YEATS2: variants seen among roughly 807,000 people sequenced by gnomAD.
YEATS2 encodes the protein YEATS domain containing 2.
YEATS2 carries 77 observed loss-of-function variants against 163.2 expected under a neutral mutation model. That is an observed-to-expected ratio of 0.47 (90% CI 0.39 to 0.57). YEATS2 has a LOEUF of 0.57. Ranked by LOEUF, YEATS2 falls within the 20% of genes least tolerant of loss-of-function variation. The pLI is 0.00. For synonymous variants in YEATS2, 631 were observed against 645.1 expected (o/e 0.98, Z 0.33); for missense variants, 1,549 against 1,729.8 (o/e 0.90, Z 1.85).
intron 15 of YEATS2, among the ~76,000 whole-genome samples, chr3:183,768,951 A>G (rs1722187958): frequency 1.3e-5 from 2 of 152,218 alleles, no homozygotes; most frequent in Non-Finnish European, 2.9e-5. Context: ...CAGCCTGGGC[A>G]ACAAGAGCAA....
At chr3:183,725,041 C>CTTTTTTTTTTTTTTTTTTTTTTTTTTT (rs62826962) in intron 6 of YEATS2, among the ~76,000 whole-genome samples, 4 of 87,528 alleles carry the variant, frequency 4.6e-5, no homozygotes, top group African/African-American at 8.7e-5. Flanking sequence ...CCGTGCCGGC[C>CTTTTTTTTTTTTTTTTTTTTTTTTTTT]TTTTTTTTTT....
At chr3:183,780,738 G>A (rs1723488477) in intron 19 of YEATS2, among the ~76,000 whole-genome samples, 1 of 152,174 alleles carries the variant, frequency 6.6e-6, no homozygotes, top group South Asian at 2.1e-4. Flanking sequence ...ATGTCTCTCA[G>A]CATTTAGCTA....
intron 28 of YEATS2, chr3:183,807,783 G>A: frequency 2.4e-6 from 1 of 414,008 alleles, no homozygotes; most frequent in Non-Finnish European, 4.3e-6. Flanking sequence ...TCCCACGAAG[G>A]AGATTTGAGA....
intron 20 of YEATS2, among the ~76,000 whole-genome samples, chr3:183,786,594 C>T (rs904898018): frequency 6.6e-6 from 1 of 152,192 alleles, no homozygotes; most frequent in African/African-American, 2.4e-5. Context: ...TTCCATCCTT[C>T]TGTTCTAGGC....
At chr3:183,766,593 A>G (rs184158539) in intron 15 of YEATS2, among the ~76,000 whole-genome samples, 205 of 152,358 alleles carry the variant, frequency 1.3e-3, no homozygotes, top group African/African-American at 4.7e-3. Context: ...CTAGCAGGAA[A>G]TTAGCAACAG....
At chr3:183,706,709 A>G (rs962415306) in intron 1 of YEATS2, among the ~76,000 whole-genome samples, 5 of 152,176 alleles carry the variant, frequency 3.3e-5, no homozygotes, top group Non-Finnish European at 7.3e-5. Flanking sequence ...CCAGCTACCC[A>G]GGAGGCTGAG....
intron 18 of YEATS2, 45 bp from the exon 19 acceptor site, chr3:183,777,497 T>C: frequency 3.1e-6 from 5 of 1,598,816 alleles, no homozygotes; most frequent in Non-Finnish European, 4.3e-6. Context: ...CCCATCTGAA[T>C]TTAACAAATT....
intron 8 of YEATS2, among the ~76,000 whole-genome samples, chr3:183,746,827 C>T (rs1321492413): frequency 1.3e-5 from 2 of 152,108 alleles, no homozygotes; most frequent in Non-Finnish European, 2.9e-5. Flanking sequence ...CTAAGAAACT[C>T]AGCCAGACGT....
chr3:183,750,987 C>T (rs1055209288), intron 9 of YEATS2, among the ~76,000 whole-genome samples: 2 of 152,076 alleles, frequency 1.3e-5, no homozygotes, highest in African/African-American at 4.8e-5. Context: ...ATTTTGTTGC[C>T]TGTGCTTTTG....
intron 13 of YEATS2, among the ~76,000 whole-genome samples, 187 bp from the exon 14 acceptor site, chr3:183,761,320 C>T (rs1252109545): frequency 6.6e-6 from 1 of 152,162 alleles, no homozygotes; most frequent in Admixed American, 6.5e-5. Flanking sequence ...CTCCCGACCT[C>T]AGGCGATCCA....
chr3:183,716,641 T>C (rs978961665), intron 2 of YEATS2, among the ~76,000 whole-genome samples: 8 of 152,226 alleles, frequency 5.3e-5, no homozygotes, highest in African/African-American at 1.9e-4. Flanking sequence ...GAGCTTCACA[T>C]GGCATAACTT....
intron 7 of YEATS2, among the ~76,000 whole-genome samples, chr3:183,734,291 A>G (rs562552337): frequency 6.6e-6 from 1 of 152,280 alleles, no homozygotes; most frequent in Non-Finnish European, 1.5e-5. Context: ...CACAGTGGCT[A>G]AAGCATGGCC....
At chr3:183,750,561 G>C (rs1433403542) in intron 9 of YEATS2, among the ~76,000 whole-genome samples, 2 of 152,118 alleles carry the variant, frequency 1.3e-5, no homozygotes, top group Non-Finnish European at 2.9e-5. Context: ...ACGTATTCCA[G>C]TTTCTCCACG....
rs3830564 is a variant in YEATS2 at position 183,762,320 on chromosome 3, ATGT to A, written c.1947+46_1947+48del. ...AGATGGGAAATTTCACATGTAAATG[ATGT>A]TGTTTGCCTAAATAATTGACAAGTG... On this transcript the variant is annotated intron_variant, in intron 15 of 30. Coordinates refer to ENST00000305135, the MANE Select transcript of YEATS2 (RefSeq NM_018023.5). 0.43 allele frequency: 658,609 copies of A among 1,524,690 alleles called. 144,633 individuals are homozygous for A. The highest frequency in any genetic ancestry group is 0.53 in the East Asian group (23,223 of 43,940). The allele number at this position is 1,524,690 out of a possible 1,614,324, so 94.4% of individuals were successfully genotyped here. A position where few individuals can be genotyped will look rare whatever the true frequency, so the allele number is the denominator to read the frequency against.
chr3:183,748,914 A>C lies in YEATS2; in HGVS notation c.969+1198A>C, dbSNP rs1719852741. On this transcript the variant is annotated intron_variant, in intron 9 of 30. Transcript: ENST00000305135. ...GCGCCCAGCCTTGGTTCATATATATATGTGTGTGTATATATATATATTTTC... is the reference window on the plus strand; with the variant it reads ...GCGCCCAGCCTTGGTTCATATATATCTGTGTGTGTATATATATATATTTTC... 2.0e-5 allele frequency among the ~76,000 whole-genome samples: 3 copies of C among 151,408 alleles called. No homozygotes were observed. In the South Asian group the frequency reaches 6.3e-4, roughly 32 times the overall value.
chr3:183,733,019 G>A (rs1236661019), intron 7 of YEATS2, among the ~76,000 whole-genome samples: 1 of 151,798 alleles, frequency 6.6e-6, no homozygotes, highest in Non-Finnish European at 1.5e-5. Context: ...TGCCACCTAT[G>A]TCCAGCTAAT....
At chr3:183,713,512 G>A (rs754118863) in intron 1 of YEATS2, among the ~76,000 whole-genome samples, 36 of 152,270 alleles carry the variant, frequency 2.4e-4, no homozygotes, top group Admixed American at 4.6e-4. Flanking sequence ...GCAGTGAGCC[G>A]AGATTGCACC....
intron 7 of YEATS2, among the ~76,000 whole-genome samples, chr3:183,729,161 A>C (rs1262333961): frequency 6.6e-6 from 1 of 152,106 alleles, no homozygotes; most frequent in Admixed American, 6.6e-5. Flanking sequence ...AGTCCCAGCC[A>C]CTAGGGAGGC....
intron 16 of YEATS2, 31 bp downstream of exon 16, chr3:183,772,594 A>C: frequency 6.2e-7 from 1 of 1,609,310 alleles, no homozygotes; most frequent in South Asian, 1.1e-5. Context: ...GAGCCCTTTC[A>C]GCAGAAGCTC....
Sources: gnomAD v4.1 joint callset for allele counts (sites outside exome capture counted in the v4.1 genomes callset) on GRCh38, gnomAD v4.1.1 for gene constraint, MANE v1.5 for transcripts, NCBI Gene and HGNC (gene_info 2026-07-23, HGNC 2026-07-21) for gene names.